The following RARB variants were observed in gnomAD, a reference collection of about 807,000 sequenced individuals.
RARB encodes retinoic acid receptor beta.
RARB carries 17 observed loss-of-function variants against 51.9 expected under a neutral mutation model. The ratio of observed to expected loss-of-function variants is 0.33; its 90% CI spans 0.22 to 0.49. The LOEUF (loss-of-function observed/expected upper bound fraction) is 0.49. Among genes scored for constraint, RARB ranks in the 20% least tolerant of loss-of-function variants. The probability of loss-of-function intolerance (pLI) is 0.99; values close to 1 mark genes in which losing one functional copy is unlikely to be tolerated. For missense variants in RARB, 369 were observed against 550.8 expected, an observed-to-expected ratio of 0.67 and a Z score of 3.30; for synonymous variants, 215 against 195.4, an observed-to-expected ratio of 1.10 and a Z score of -0.84.
At chr3:25,421,936 C>A in intron 5 of RARB, among the ~76,000 whole-genome samples, 1 of 152,150 alleles carries the variant, frequency 6.6e-6, no homozygotes, top group Non-Finnish European at 1.5e-5. Context: ...TTAAGCTGAC[C>A]TTTGAGAGCA....
intron 2 of RARB, among the ~76,000 whole-genome samples, chr3:24,946,233 C>T (rs1448500046): frequency 2.1e-5 from 3 of 141,406 alleles, no homozygotes. Context: ...CACTGCACTC[C>T]AGCCTGGGGG....
At chr3:25,396,812 G>A (rs955481203) in intron 5 of RARB, among the ~76,000 whole-genome samples, 4 of 152,080 alleles carry the variant, frequency 2.6e-5, no homozygotes, top group Non-Finnish European at 5.9e-5. Context: ...CAGGGAAGTA[G>A]AAGAAAACCA....
intron 2 of RARB, among the ~76,000 whole-genome samples, chr3:25,461,560 G>A (rs904137144): frequency 1.1e-4 from 17 of 152,246 alleles, no homozygotes; most frequent in Admixed American, 9.2e-4. Context: ...AGGTTCTAAG[G>A]CCCTTAAATT....
chr3:25,304,652 G>A (rs569156422), intron 5 of RARB, among the ~76,000 whole-genome samples: 64 of 152,164 alleles, frequency 4.2e-4, no homozygotes, highest in African/African-American at 1.5e-3. Context: ...CACCACTACC[G>A]CGCTAGTCCA....
At chr3:25,038,446 T>C (rs1027975152) in intron 2 of RARB, among the ~76,000 whole-genome samples, 6 of 152,284 alleles carry the variant, frequency 3.9e-5, no homozygotes, top group African/African-American at 1.4e-4. Context: ...ATATCTATTA[T>C]TAAATCTGAC....
chr3:25,066,146 A>G (rs1698657994), intron 3 of RARB, among the ~76,000 whole-genome samples: 1 of 152,180 alleles, frequency 6.6e-6, no homozygotes, highest in African/African-American at 2.4e-5. Context: ...TGTGAGAGAC[A>G]TAATTTCCTT....
chr3:25,007,602 AAAC>A (rs1450603862), intron 2 of RARB, among the ~76,000 whole-genome samples: 15 of 147,028 alleles, frequency 1.0e-4, no homozygotes, highest in East Asian at 6.1e-4. Context: ...CAAAAAAAAA[AAAC>A]AAAAAAACCT....
chr3:25,350,948 G>A (rs1157692105), intron 5 of RARB, among the ~76,000 whole-genome samples: 3 of 152,144 alleles, frequency 2.0e-5, no homozygotes, highest in Admixed American at 6.5e-5. Context: ...GGGGTTAGAG[G>A]CTTTTTCTGT....
At chr3:25,310,847 G>T (rs1223195211) in intron 5 of RARB, among the ~76,000 whole-genome samples, 92 of 152,292 alleles carry the variant, frequency 6.0e-4, no homozygotes, top group Non-Finnish European at 1.8e-4. Flanking sequence ...TTACTCTGAA[G>T]CACTTAGGTT....
intron 5 of RARB, among the ~76,000 whole-genome samples, chr3:25,314,286 A>G (rs1704363770): frequency 6.6e-6 from 1 of 152,214 alleles, no homozygotes; most frequent in South Asian, 2.1e-4. Flanking sequence ...AGTTTTCTAT[A>G]GGAAAAGCAG....
intron 5 of RARB, among the ~76,000 whole-genome samples, chr3:25,197,453 A>G (rs1325345184): frequency 6.6e-6 from 1 of 151,514 alleles, no homozygotes; most frequent in Non-Finnish European, 1.5e-5. Flanking sequence ...GTACCATGCA[A>G]TAAGACAGTA....
intron 3 of RARB, among the ~76,000 whole-genome samples, chr3:25,541,165 G>A (rs1699363734): frequency 6.6e-6 from 1 of 152,168 alleles, no homozygotes; most frequent in South Asian, 2.1e-4. Context: ...GAGATGGTAT[G>A]ACCCGCAGAG....
intron 2 of RARB, 31 bp downstream of exon 2, chr3:25,461,372 C>G (rs759613594): frequency 6.2e-7 from 1 of 1,606,098 alleles, no homozygotes; most frequent in Non-Finnish European, 8.5e-7. Context: ...GCCTGATGAA[C>G]TCTCATTCTC....
At chr3:25,388,956 T>A (rs1409184940) in intron 5 of RARB, among the ~76,000 whole-genome samples, 1 of 152,176 alleles carries the variant, frequency 6.6e-6, no homozygotes, top group Non-Finnish European at 1.5e-5. Context: ...CTGATCTGTT[T>A]CATTGAATAG....
At chr3:25,402,691 A>T (rs1006716472) in intron 5 of RARB, among the ~76,000 whole-genome samples, 2 of 152,194 alleles carry the variant, frequency 1.3e-5, no homozygotes, top group Non-Finnish European at 2.9e-5. Context: ...GTTAAGTGAA[A>T]TAAGCCAGGC....
chr3:24,830,444 C>G (rs1026595683), intron 1 of RARB, among the ~76,000 whole-genome samples: 2 of 12,922 alleles, frequency 1.5e-4, no homozygotes, highest in African/African-American at 5.4e-4. Context: ...TGTGTGTGTA[C>G]GTGCGCGCGC....
At chr3:25,433,210 G>C (rs971124549) in intron 1 of RARB, among the ~76,000 whole-genome samples, 4 of 152,084 alleles carry the variant, frequency 2.6e-5, no homozygotes, top group Non-Finnish European at 5.9e-5. Context: ...TGATTTTCTA[G>C]AATAACCCAC....
chr3:25,282,246 T>G lies in RARB; in HGVS notation c.178+107671T>G, dbSNP rs115647841. Among the ~76,000 whole-genome samples the G allele has an allele frequency of 6.4e-4, 97 of 152,312 alleles. 1 individual carries two copies. Among genetic ancestry groups the G allele is most frequent in the African/African-American group, 2.2e-3 (92 of 41,576 alleles). On this transcript the variant is annotated intron_variant, in intron 5 of 11. Transcript: ENST00000383772. ...GCTTCAACCTCACTGGACTGCTTCC[T>G]CTTCTTCAAATTCCCCAGTCACACT...
intron 2 of RARB, among the ~76,000 whole-genome samples, chr3:24,986,808 C>T (rs915755502): frequency 1.3e-5 from 2 of 152,084 alleles, no homozygotes; most frequent in Non-Finnish European, 2.9e-5. Flanking sequence ...ACCCTGTTAA[C>T]TCCTGATTGC....
Sources: gnomAD v4.1 joint callset for allele counts (sites outside exome capture counted in the v4.1 genomes callset) on GRCh38, gnomAD v4.1.1 for gene constraint, MANE v1.5 for transcripts, NCBI Gene and HGNC (gene_info 2026-07-23, HGNC 2026-07-21) for gene names.